Variants in HIBCH observed in about 807,000 individuals in gnomAD.
HIBCH encodes the protein 3-hydroxyisobutyryl-CoA hydrolase.
Under a neutral mutation model 58.2 loss-of-function variants are expected in HIBCH, and 50 were observed. That is an observed-to-expected ratio of 0.86 (90% CI 0.68 to 1.09). HIBCH has a LOEUF of 1.09. Among genes scored for constraint, HIBCH ranks in the 50% least tolerant of loss-of-function variants. HIBCH has a pLI of 0.00. For synonymous variants in HIBCH, 151 were observed against 146.9 expected (o/e 1.03, Z -0.20); for missense variants, 450 against 449.7 (o/e 1.00, Z -0.01).
At chr2:190,288,469 G>A (rs1227438061) in intron 5 of HIBCH, among the ~76,000 whole-genome samples, 1 of 149,174 alleles carries the variant, frequency 6.7e-6, no homozygotes, top group Non-Finnish European at 1.5e-5. Flanking sequence ...TTTTGCACAT[G>A]GGAAATAAGG....
At chr2:190,239,818 T>C (rs1364475790) in intron 11 of HIBCH, among the ~76,000 whole-genome samples, 1 of 151,970 alleles carries the variant, frequency 6.6e-6, no homozygotes, top group Non-Finnish European at 1.5e-5. Context: ...CCCAGCTAAT[T>C]TTTGTATTTT....
At chr2:190,314,990 C>CT (rs1176261066) in intron 1 of HIBCH, among the ~76,000 whole-genome samples, 2 of 151,930 alleles carry the variant, frequency 1.3e-5, no homozygotes, top group African/African-American at 4.8e-5. Context: ...CTCTGTCGCC[C>CT]AGGCTGGAGT....
rs895944451 is a variant in HIBCH, at chr2:190,272,650, G to GA, written c.439-11417dup. Among the ~76,000 whole-genome samples the GA allele has an allele frequency of 3.6e-3, 523 of 143,734 alleles. 4 individuals are homozygous for GA. The highest frequency in any genetic ancestry group is 0.01 in the African/African-American group (407 of 39,302). 94.3% of individuals were successfully genotyped at this position (143,734 alleles called of 152,430 possible). A position where few individuals can be genotyped will look rare whatever the true frequency, so the allele number is the denominator to read the frequency against. On this transcript the variant is annotated intron_variant, in intron 6 of 13. Coordinates refer to ENST00000359678, the MANE Select transcript of HIBCH (RefSeq NM_014362.4). ...ATATGGCCAAAGGAAATGGCCAAGG[G>GA]AAAAAAAAAAACTCCCTGTAGATCT...
At position 190,252,753 on chromosome 2, in the gene HIBCH, A is replaced by G. The variant is rs115911068; in HGVS notation, c.518-446T>C. Among the ~76,000 whole-genome samples, 867 of 152,340 alleles carry G rather than the reference A, an allele frequency of 5.7e-3. 8 individuals carry two copies. The highest frequency in any genetic ancestry group is 0.019 in the African/African-American group (810 of 41,582). ...AATCATGTCCCAACCTTAGTCAATTATCTAATATTCAAGATGTTTAAATAT... is the reference window on the plus strand; with the variant it reads ...AATCATGTCCCAACCTTAGTCAATTGTCTAATATTCAAGATGTTTAAATAT... On this transcript the variant is annotated intron_variant, in intron 7 of 13. Coordinates refer to ENST00000359678, the MANE Select transcript of HIBCH (RefSeq NM_014362.4).
intron 12 of HIBCH, 43 bp downstream of exon 12, chr2:190,212,913 A>G: frequency 6.5e-7 from 1 of 1,526,998 alleles, no homozygotes. Flanking sequence ...AACGTATGTT[A>G]CTTTTAGAAC....
chr2:190,231,141 TG>T (rs1686083705), intron 11 of HIBCH, among the ~76,000 whole-genome samples: 1 of 152,194 alleles, frequency 6.6e-6, no homozygotes, highest in Non-Finnish European at 1.5e-5. Context: ...CAAACTGTGC[TG>T]GAACAATTAT....
chr2:190,301,429 A>C (rs1340000348), intron 2 of HIBCH, among the ~76,000 whole-genome samples: 2 of 152,210 alleles, frequency 1.3e-5, no homozygotes, highest in East Asian at 3.8e-4. Flanking sequence ...GTGGGGACAA[A>C]AGAAAAGGAA....
Position 190,208,861 on chromosome 2 carries a change from G to A in HIBCH, c.1045+19C>T, listed in dbSNP as rs1690455176. ...AAATCCCATTTCCCCAAAATGGTAA[G>A]TTCCCATTTGCCACTTACCAGCTCT... On this transcript the variant is annotated intron_variant, in intron 13 of 13. Transcript: ENST00000359678. 2 of 1,608,442 alleles carry A rather than the reference G, an allele frequency of 1.2e-6. No homozygotes were observed. Among genetic ancestry groups the A allele is most frequent in the South Asian group, 1.1e-5 (1 of 90,900 alleles).
Position 190,304,609 on chromosome 2 carries a change from C to T in HIBCH, c.78+6145G>A, listed in dbSNP as rs1480124940. Among the ~76,000 whole-genome samples, 7 of 152,196 alleles carry T rather than the reference C, an allele frequency of 4.6e-5. No individual in the cohort carries two copies. Among genetic ancestry groups the T allele is most frequent in the Admixed American group, 2.0e-4 (3 of 15,296 alleles). ...TTGGAGCGGGCAAATATTCAAACCA[C>T]GAAACCAATATTCTCAGTTTTGATA... On this transcript the variant is annotated intron_variant, in intron 2 of 13. Coordinates refer to ENST00000359678, the MANE Select transcript of HIBCH (RefSeq NM_014362.4). The surrounding 1 kb of genome is among the most constrained non-coding windows in gnomAD (Gnocchi z 4.1).
chr2:190,286,338 A>G (rs185047628), intron 6 of HIBCH, among the ~76,000 whole-genome samples: 1 of 152,302 alleles, frequency 6.6e-6, no homozygotes, highest in African/African-American at 2.4e-5. Flanking sequence ...TTACACACAA[A>G]AACAGTTTTT....
At chr2:190,191,936 T>C (rs983212024) in intron 1 of HIBCH, among the ~76,000 whole-genome samples, 2 of 152,198 alleles carry the variant, frequency 1.3e-5, no homozygotes, top group African/African-American at 4.8e-5. Context: ...AACTGTGTTT[T>C]TTTTTCCAGA....
Position 190,311,014 on chromosome 2 carries a change from A to C in HIBCH, c.36-218T>G, listed in dbSNP as rs138373824. The C allele has an allele frequency of 7.3e-6, 5 of 681,236 alleles. No homozygotes were observed. The Middle Eastern group carries it at 7.1e-4, about 96-fold the overall frequency. 42.2% of individuals were successfully genotyped at this position (681,236 alleles called of 1,614,324 possible). A position where few individuals can be genotyped will look rare whatever the true frequency, so the allele number is the denominator to read the frequency against. ...GGTAACTTTATTCATAACTGCCAAA[A>C]TGTGGACGTAACCAAGATGTTCTTC... is the stretch of plus-strand genomic sequence containing the variant. On this transcript the variant is annotated intron_variant, in intron 1 of 13. Transcript: ENST00000359678.
At position 190,209,603 on chromosome 2, in the gene HIBCH, TA is replaced by T. The variant is rs1690470659; in HGVS notation, c.1012-691del. ...ATATGAAGTCTTGTCTTCTCACCAC[TA>T]AAACACCTGCAGGCAACTGTGGCCA... On this transcript the variant is annotated intron_variant, in intron 12 of 13. Transcript: ENST00000359678. This position sits in a 1 kb window ranked among gnomAD's most constrained non-coding sequence, Gnocchi z 5.6. 6.6e-6 allele frequency among the ~76,000 whole-genome samples: 1 copy of T among 152,220 alleles called. No individual in the cohort carries two copies. The highest frequency in any genetic ancestry group is 1.5e-5 in the Non-Finnish European group (1 of 68,040).
intron 1 of HIBCH, among the ~76,000 whole-genome samples, chr2:190,316,769 T>C (rs1688717025): frequency 1.3e-5 from 2 of 152,140 alleles, no homozygotes; most frequent in East Asian, 3.8e-4. Context: ...GCAACAAAGA[T>C]TGAGCCTTTG....
intron 8 of HIBCH, chr2:190,251,678 T>A (rs1050636993): frequency 1.0e-4 from 22 of 216,994 alleles, no homozygotes; most frequent in African/African-American, 5.5e-4. Context: ...CCACATTGTT[T>A]TTTTTTTAAA....
chr2:190,243,725 T>C lies in HIBCH; in HGVS notation c.891+1162A>G. On this transcript the variant is annotated intron_variant, in intron 11 of 13. Transcript: ENST00000359678. The surrounding 1 kb of genome is among the most constrained non-coding windows in gnomAD (Gnocchi z 4.1). Reference sequence around the variant, plus strand: ...GCTCACACCTGTAATCCCAGCACTTTGGGAAGCTGAGGTGGGTGAATCACT... The same window carrying C: ...GCTCACACCTGTAATCCCAGCACTTCGGGAAGCTGAGGTGGGTGAATCACT... Among the ~76,000 whole-genome samples the C allele has an allele frequency of 6.6e-6, 1 of 152,252 alleles. No individual in the cohort carries two copies. The highest frequency in any genetic ancestry group is 1.9e-4 in the East Asian group (1 of 5,174).
intron 2 of HIBCH, 131 bp downstream of exon 2, chr2:190,310,623 C>T: frequency 1.3e-6 from 1 of 784,582 alleles, no homozygotes; most frequent in Non-Finnish European, 2.3e-6. Context: ...CATGTCTTGA[C>T]ACTCAGTTGA....
chr2:190,239,863 G>A lies in HIBCH; in HGVS notation c.891+5024C>T, dbSNP rs115858416. 6.8e-3 allele frequency among the ~76,000 whole-genome samples: 1,028 copies of A among 152,070 alleles called. 12 individuals carry two copies. Among genetic ancestry groups the A allele is most frequent in the African/African-American group, 0.022 (930 of 41,498 alleles). ...CAGGGTTTCACCATGCTAGCCAGGC[G>A]GGTCTCGAACTCCTGAACTTGAGTG... On this transcript the variant is annotated intron_variant, in intron 11 of 13. Transcript: ENST00000359678.
At chr2:190,191,400 C>T (rs1216804426) in intron 1 of HIBCH, among the ~76,000 whole-genome samples, 2 of 152,234 alleles carry the variant, frequency 1.3e-5, no homozygotes, top group Non-Finnish European at 2.9e-5. Context: ...CCACCAAGGC[C>T]TCCCAAAATA....
Sources: gnomAD v4.1 joint callset for allele counts (sites outside exome capture counted in the v4.1 genomes callset) on GRCh38, gnomAD v4.1.1 for gene constraint, Gnocchi (gnomAD v3.1) non-coding constraint, MANE v1.5 for transcripts, NCBI Gene and HGNC (gene_info 2026-07-23, HGNC 2026-07-21) for gene names.